UGT2A1: variants seen among roughly 807,000 people sequenced by gnomAD.
UGT2A1 encodes the protein UDP glucuronosyltransferase family 2 member A1 complex locus.
UGT2A1 carries 61 observed loss-of-function variants against 45.4 expected under a neutral mutation model. The ratio of observed to expected loss-of-function variants is 1.34; its 90% confidence interval spans 1.09 to 1.66. UGT2A1 has a LOEUF of 1.66. Ranked by LOEUF, UGT2A1 falls within the 40% of genes most tolerant of loss-of-function variation. UGT2A1 has a pLI of 0.00. For synonymous variants in UGT2A1, 229 were observed against 196.2 expected (o/e 1.17, Z -1.40); for missense variants, 649 against 574.3 (o/e 1.13, Z -1.33).
At chr4:69,613,016 T>A (rs898606218) in intron 3 of UGT2A1, among the ~76,000 whole-genome samples, 1 of 148,240 alleles carries the variant, frequency 6.7e-6, no homozygotes, top group Non-Finnish European at 1.5e-5. Flanking sequence ...ATATGAAAAA[T>A]TTAAACAGGT....
chr4:69,651,430 A>T lies in UGT2A1; in HGVS notation c.-55+1758T>A, dbSNP rs112533578. Among the ~76,000 whole-genome samples the T allele has an allele frequency of 9.0e-3, 1,368 of 152,322 alleles. 25 individuals are homozygous for T. The highest frequency in any genetic ancestry group is 0.031 in the African/African-American group (1,296 of 41,566). ...ATTAAAAATAAAAATAAACTGTGTA[A>T]TATGATTACTATATTTGTGAAAGCT... On this transcript the variant is annotated intron_variant, in intron 1 of 6. Transcript: ENST00000286604.
chr4:69,613,895 C>A (rs575721894), intron 3 of UGT2A1, among the ~76,000 whole-genome samples: 7 of 151,952 alleles, frequency 4.6e-5, no homozygotes, highest in African/African-American at 1.7e-4. Flanking sequence ...AAATTGAAAG[C>A]CTTTCTTCTA....
At chr4:69,632,792 G>A (rs1721458857) in intron 3 of UGT2A1, among the ~76,000 whole-genome samples, 1 of 151,704 alleles carries the variant, frequency 6.6e-6, no homozygotes, top group Admixed American at 6.6e-5. Flanking sequence ...GGACGCAGAG[G>A]CAGGAAAATC....
chr4:69,621,894 A>G lies in UGT2A1; in HGVS notation c.847+13797T>C, dbSNP rs139050514. Among the ~76,000 whole-genome samples, 952 of 151,952 alleles carry G rather than the reference A, an allele frequency of 6.3e-3. 2 individuals carry two copies. The highest frequency in any genetic ancestry group is 0.01 in the Middle Eastern group (3 of 292). On this transcript the variant is annotated intron_variant, in intron 3 of 6. Transcript: ENST00000286604. The stretch of plus-strand genomic sequence containing the variant: ...GGGGGAGGGTCATTATTCTTAGCAA[A>G]CTAATGCAGACACAGAACACCAAAT...
At chr4:69,599,601 A>G in intron 3 of UGT2A1, 5 of 573,618 alleles carry the variant, frequency 8.7e-6, no homozygotes, top group Non-Finnish European at 1.3e-5. Context: ...AGAAGGAAGG[A>G]AGGGAGGAAG....
At chr4:69,629,077 C>T (rs944451816) in intron 3 of UGT2A1, among the ~76,000 whole-genome samples, 1 of 151,846 alleles carries the variant, frequency 6.6e-6, no homozygotes, top group African/African-American at 2.4e-5. Flanking sequence ...GTACCACAAG[C>T]CATAGCTTTT....
At chr4:69,594,779 G>A (rs1316068566) in intron 5 of UGT2A1, 83 bp from the exon 6 acceptor site, 1 of 1,450,838 alleles carries the variant, frequency 6.9e-7, no homozygotes, top group Non-Finnish European at 9.3e-7. Context: ...TCAAAAAGCT[G>A]TAATGTAACT....
chr4:69,597,085 T>G (rs2010207), intron 4 of UGT2A1, among the ~76,000 whole-genome samples: 98,078 of 151,998 alleles, frequency 0.65, 32,002 homozygotes, highest in East Asian at 0.74. Flanking sequence ...TTGTTAGCAT[T>G]CCAGTTATAT....
At chr4:69,632,344 C>T (rs1439010617) in intron 3 of UGT2A1, among the ~76,000 whole-genome samples, 1 of 151,948 alleles carries the variant, frequency 6.6e-6, no homozygotes, top group Non-Finnish European at 1.5e-5. Flanking sequence ...AATTTTTTTT[C>T]CACAAGTAGG....
In UGT2A1 at chr4:69,602,991, C is replaced by T. The variant is rs987750032; in HGVS notation, c.848-3597G>A. ...GCTGAGGCAGAGAATTGCTTGAACCCGGGAGGAGGAGGTTGCAGTGAGCCA... is the reference window on the plus strand; with the variant it reads ...GCTGAGGCAGAGAATTGCTTGAACCTGGGAGGAGGAGGTTGCAGTGAGCCA... On this transcript the variant is annotated intron_variant, in intron 3 of 6. Coordinates refer to ENST00000286604, the MANE Select transcript of UGT2A1 (RefSeq NM_001252275.3). Among the ~76,000 whole-genome samples the T allele has an allele frequency of 1.3e-4, 18 of 134,614 alleles. 5 individuals carry two copies. The highest frequency in any genetic ancestry group is 4.2e-4 in the African/African-American group (14 of 32,954). 88.3% of individuals were successfully genotyped at this position (134,614 alleles called of 152,430 possible). A position where few individuals can be genotyped will look rare whatever the true frequency, so the allele number is the denominator to read the frequency against.
chr4:69,611,589 A>C (rs1191330829), intron 3 of UGT2A1, among the ~76,000 whole-genome samples: 1 of 152,108 alleles, frequency 6.6e-6, no homozygotes, highest in African/African-American at 2.4e-5. Context: ...AATACTTCTA[A>C]ATTATTTTAT....
Position 69,647,291 on chromosome 4 carries a change from G to T in UGT2A1, c.354C>A (p.Phe118Leu). 6.2e-7 allele frequency: 1 copy of T among 1,613,388 alleles called. No individual in the cohort carries two copies. The highest frequency in any genetic ancestry group is 8.5e-7 in the Non-Finnish European group (1 of 1,179,562). ...YQEMAKVIKD[F>L]HMVSQEICDG... ...CACAGATCTCCTGAGACACCATGTG[G>T]AAGTCCTTGATTACTTTGGCCATCT... The change falls in exon 2 of 7, where the codon TTC becomes TTA. Residue 118 changes from phenylalanine (F) to leucine (L), a missense_variant. Physicochemically the swap from Phe to Leu is conservative, Grantham distance 22. Transcript: ENST00000286604.
intron 2 of UGT2A1, among the ~76,000 whole-genome samples, chr4:69,643,330 A>G (rs1722124709): frequency 6.6e-6 from 1 of 151,688 alleles, no homozygotes; most frequent in African/African-American, 2.4e-5. Flanking sequence ...TTTGCACCTG[A>G]AATTTAAAAA....
chr4:69,593,073 A>C (rs1577940809), intron 6 of UGT2A1, among the ~76,000 whole-genome samples: 1 of 152,138 alleles, frequency 6.6e-6, no homozygotes, highest in African/African-American at 2.4e-5. Flanking sequence ...ACAGGTCTGA[A>C]GGAAAGAAAG....
chr4:69,632,081 G>A (rs531713168), intron 3 of UGT2A1, among the ~76,000 whole-genome samples: 5 of 152,144 alleles, frequency 3.3e-5, no homozygotes, highest in African/African-American at 9.6e-5. Context: ...ATTTTTGAAA[G>A]AGATTCACGA....
Sources: gnomAD v4.1 joint callset for allele counts (sites outside exome capture counted in the v4.1 genomes callset) on GRCh38, gnomAD v4.1.1 for gene constraint, MANE v1.5 for transcripts, NCBI Gene and HGNC (gene_info 2026-07-23, HGNC 2026-07-21) for gene names.